Variants in INPP4A observed in about 807,000 individuals in gnomAD.
INPP4A encodes the protein inositol polyphosphate-4-phosphatase type I A, also known as inositol polyphosphate-4-phosphatase, type I, 107kD.
Under a neutral mutation model 119.8 loss-of-function variants are expected in INPP4A, and 33 were observed. That is an observed-to-expected ratio of 0.28 (90% CI 0.21 to 0.37). The LOEUF (loss-of-function observed/expected upper bound fraction) is 0.37. Among genes scored for constraint, INPP4A ranks in the 10% least tolerant of loss-of-function variants. The probability of loss-of-function intolerance (pLI) is 1.00; values close to 1 mark genes in which losing one functional copy is unlikely to be tolerated. For synonymous variants in INPP4A, 496 were observed against 500.7 expected (o/e 0.99, Z 0.12); for missense variants, 956 against 1,289.9 (o/e 0.74, Z 3.97).
intron 23 of INPP4A, 71 bp from the exon 24 acceptor site, chr2:98,576,918 T>G: frequency 6.5e-7 from 1 of 1,539,462 alleles, no homozygotes; most frequent in South Asian, 1.2e-5. Context: ...TGGGAGCCTT[T>G]CCTGTGTGTG....
chr2:98,557,755 G>A (rs896356121), intron 16 of INPP4A, among the ~76,000 whole-genome samples: 2 of 152,244 alleles, frequency 1.3e-5, no homozygotes, highest in Non-Finnish European at 2.9e-5. Flanking sequence ...CAGGGCCAAG[G>A]CCTTGTGGGG....
chr2:98,528,396 T>G (rs757601537), intron 4 of INPP4A, among the ~76,000 whole-genome samples: 5 of 152,188 alleles, frequency 3.3e-5, no homozygotes, highest in Non-Finnish European at 7.3e-5. Flanking sequence ...GAACAGAGCC[T>G]CAGAGACCTG....
intron 4 of INPP4A, among the ~76,000 whole-genome samples, chr2:98,531,881 T>C (rs373077098): frequency 5.3e-5 from 8 of 152,364 alleles, no homozygotes; most frequent in South Asian, 2.1e-4. Flanking sequence ...AGAGAAAGCA[T>C]TGAAAATTCA....
chr2:98,557,139 T>C (rs1694634218), intron 16 of INPP4A, among the ~76,000 whole-genome samples: 2 of 152,370 alleles, frequency 1.3e-5, no homozygotes, highest in East Asian at 1.9e-4. Flanking sequence ...AGTGTCATTT[T>C]TTTTCTAGGC....
intron 16 of INPP4A, among the ~76,000 whole-genome samples, chr2:98,556,790 A>G (rs1694573964): frequency 6.6e-6 from 1 of 151,868 alleles, no homozygotes; most frequent in South Asian, 2.1e-4. Context: ...TTGCCTCTTT[A>G]CTCTGCCTGC....
chr2:98,454,629 T>C (rs1212138450), intron 1 of INPP4A, among the ~76,000 whole-genome samples: 1 of 151,944 alleles, frequency 6.6e-6, no homozygotes, highest in East Asian at 1.9e-4. Context: ...ATTTTTCACA[T>C]GTGCTCAAAG....
At chr2:98,567,952 C>T (rs996849434) in intron 21 of INPP4A, among the ~76,000 whole-genome samples, 13 of 152,336 alleles carry the variant, frequency 8.5e-5, no homozygotes, top group African/African-American at 2.9e-4. Flanking sequence ...CACTGGGGCC[C>T]AGGACCTGGA....
intron 10 of INPP4A, among the ~76,000 whole-genome samples, chr2:98,540,661 G>A (rs1397886854): frequency 2.0e-5 from 3 of 152,220 alleles, no homozygotes; most frequent in Non-Finnish European, 4.4e-5. Context: ...ATCCTGTGGT[G>A]GAAGGCGTCA....
chr2:98,564,734 C>T lies in INPP4A; in HGVS notation c.2123C>T (p.Ala708Val), dbSNP rs1161305343. 1 of 1,599,084 alleles carries T rather than the reference C, an allele frequency of 6.3e-7. No homozygotes were observed. Among genetic ancestry groups the T allele is most frequent in the Non-Finnish European group, 8.5e-7 (1 of 1,172,990 alleles). The change falls in exon 19 of 25, where the codon GCC (alanine) becomes GTC (valine). Residue 708 changes from alanine to valine, a missense_variant. Physicochemically the swap from Ala to Val is moderately conservative, Grantham distance 64. Around this residue, in one of 2 missense-constraint regions of INPP4A, gnomAD observed 304 missense variants for 492.1 expected, o/e 0.62. Coordinates refer to ENST00000409851, the MANE Select transcript of INPP4A (RefSeq NM_001134225.2). Reference sequence around the variant, plus strand: ...CAGCTCTACACCATCGGGCTGCTGGCCCAGTTCGAGAGCCTGCTGAGCACC... The same window carrying T: ...CAGCTCTACACCATCGGGCTGCTGGTCCAGTTCGAGAGCCTGCTGAGCACC... ...LRQLYTIGLL[A>V]QFESLLSTYG...
intron 3 of INPP4A, among the ~76,000 whole-genome samples, chr2:98,520,485 C>G (rs1466260567): frequency 1.3e-5 from 2 of 151,826 alleles, no homozygotes; most frequent in Non-Finnish European, 2.9e-5. Flanking sequence ...ATGTGTAGAT[C>G]TGAGGAGGAG....
Position 98,590,345 on chromosome 2 carries a change from T to C in INPP4A, c.*2737T>C, listed in dbSNP as rs554302729. ...AATTTGAAGCAGAGGGGCAACAGCG[T>C]TGAGGTTAAGAGCACGGACTTTGGG... On this transcript the variant is annotated 3_prime_UTR_variant, in exon 25 of 25. Transcript: ENST00000409851. 118 of 187,722 alleles carry C rather than the reference T, an allele frequency of 6.3e-4. No individual in the cohort carries two copies. Among genetic ancestry groups the C allele is most frequent in the Non-Finnish European group, 1.1e-3 (97 of 89,000 alleles). 11.6% of individuals were successfully genotyped at this position (187,722 alleles called of 1,614,324 possible). A position where few individuals can be genotyped will look rare whatever the true frequency, so the allele number is the denominator to read the frequency against.
chr2:98,564,800 C>A (rs561649751), intron 19 of INPP4A, 37 bp downstream of exon 19: 1 of 1,540,008 alleles, frequency 6.5e-7, no homozygotes, highest in Admixed American at 2.0e-5. Flanking sequence ...GCCCCACTTG[C>A]GTGTGTGGTT....
intron 1 of INPP4A, among the ~76,000 whole-genome samples, chr2:98,515,167 A>G (rs1169944230): frequency 1.3e-5 from 2 of 152,222 alleles, no homozygotes. Context: ...TATTATTAAT[A>G]GTAACTTTCA....
intron 1 of INPP4A, among the ~76,000 whole-genome samples, chr2:98,480,382 A>C (rs1454997286): frequency 6.6e-6 from 1 of 152,200 alleles, no homozygotes; most frequent in African/African-American, 2.4e-5. Flanking sequence ...CATTTTGCAG[A>C]GGAGGGAAGG....
chr2:98,544,148 C>T, intron 11 of INPP4A, 141 bp downstream of exon 11: 1 of 685,432 alleles, frequency 1.5e-6, no homozygotes, highest in Non-Finnish European at 2.3e-6. Context: ...CACTGACAGA[C>T]ACTTTAATGG....
At chr2:98,487,816 T>G (rs113966518) in intron 1 of INPP4A, among the ~76,000 whole-genome samples, 2,355 of 152,336 alleles carry the variant, frequency 0.015, 69 homozygotes, top group African/African-American at 0.054. Context: ...TGGCAAGCTC[T>G]GATTGGTGAG....
chr2:98,527,525 G>T (rs752256140), intron 4 of INPP4A, among the ~76,000 whole-genome samples: 2 of 152,168 alleles, frequency 1.3e-5, no homozygotes. Context: ...ATATTCCTGG[G>T]AACTTCAAAG....
chr2:98,505,250 G>A (rs1379156550), intron 1 of INPP4A, among the ~76,000 whole-genome samples: 1 of 152,226 alleles, frequency 6.6e-6, no homozygotes, highest in East Asian at 1.9e-4. Context: ...GAGGTGGCAT[G>A]GATGCCCACC....
At position 98,566,921 on chromosome 2, in the gene INPP4A, T is replaced by C. The variant is rs548477147; in HGVS notation, c.2420+752T>C. On this transcript the variant is annotated intron_variant, in intron 21 of 24. Transcript: ENST00000409851. This position sits in a 1 kb window ranked among gnomAD's most constrained non-coding sequence, Gnocchi z 4.2. ...TAAACAGAGATCTTCAAGTACTTGC[T>C]GTGAAGGAAATTTGGTTTCCAGAAC... 6.6e-6 allele frequency among the ~76,000 whole-genome samples: 1 copy of C among 152,324 alleles called. No homozygotes were observed. The highest frequency in any genetic ancestry group is 2.4e-5 in the African/African-American group (1 of 41,574).
Sources: allele counts gnomAD v4.1 joint callset (sites outside exome capture counted in the v4.1 genomes callset), GRCh38; gene constraint gnomAD v4.1.1; regional missense constraint gnomAD v4.1.1; non-coding constraint Gnocchi (gnomAD v3.1); transcripts MANE v1.5; gene names NCBI Gene and HGNC (gene_info 2026-07-23, HGNC 2026-07-21).